Variants in PLEC observed in about 807,000 individuals in gnomAD.
PLEC encodes the protein hemidesmosomal protein 1.
In PLEC, 216 loss-of-function variants were observed where a neutral mutation model predicts 392.8. The observed-to-expected ratio is 0.55, with a 90% CI of 0.49 to 0.62. PLEC has a LOEUF of 0.62. PLEC is among the 20% of genes least tolerant of loss of function. The probability of loss-of-function intolerance (pLI) is 0.00; values close to 1 mark genes in which losing one functional copy is unlikely to be tolerated. For synonymous variants in PLEC, 3,621 were observed against 2,980.6 expected (o/e 1.21, Z -7.00); for missense variants, 6,863 against 6,563.4 (o/e 1.05, Z -1.58).
At chr8:143,929,886 C>A (rs1554712283) in intron 22 of PLEC, 50 bp downstream of exon 22, 9 of 1,602,674 alleles carry the variant, frequency 5.6e-6, no homozygotes, top group Non-Finnish European at 5.9e-6. Flanking sequence ...CTGCACAACG[C>A]CTCTCCCCTC....
At chr8:143,928,438 G>A (rs528025963) in intron 25 of PLEC, among the ~76,000 whole-genome samples, 91 of 152,164 alleles carry the variant, frequency 6.0e-4, no homozygotes, top group African/African-American at 2.2e-3. Flanking sequence ...GGAGTAGACA[G>A]CGGGTGGACC....
chr8:143,951,166 G>T (rs1554736405), upstream of PLEC, among the ~76,000 whole-genome samples: 2 of 152,030 alleles, frequency 1.3e-5, no homozygotes, highest in Non-Finnish European at 1.5e-5. Context: ...GGGCAAGTGG[G>T]GGCGGATATA....
chr8:143,940,191 T>G (rs1194573277), upstream of PLEC, among the ~76,000 whole-genome samples: 1 of 152,172 alleles, frequency 6.6e-6, no homozygotes, highest in Non-Finnish European at 1.5e-5. Flanking sequence ...ACCCCAGGCC[T>G]GGCCCCTCCC....
upstream of PLEC, chr8:143,958,797 G>C (rs576553072): frequency 2.8e-5 from 9 of 321,978 alleles, no homozygotes; most frequent in South Asian, 2.1e-5. The surrounding 1 kb of genome is among the most constrained non-coding windows in gnomAD (Gnocchi z 4.9). Flanking sequence ...CTCCAACACC[G>C]AGACACCTGT....
rs1822537523 is a variant in PLEC, at chr8:143,921,193, C to T, written c.8628G>A (p.Glu2876=). 2 of 1,613,888 alleles carry T rather than the reference C, an allele frequency of 1.2e-6. No individual in the cohort carries two copies. The highest frequency in any genetic ancestry group is 1.7e-5 in the Admixed American group (1 of 60,012). Reference sequence around the variant, plus strand: ...TGAGTGGCAGAAGGCACAGGCCCGTCTCGGGGTCCTCCACGCAGCGCTCCA... The same window carrying T: ...TGAGTGGCAGAAGGCACAGGCCCGTTTCGGGGTCCTCCACGCAGCGCTCCA... ...QLLERCVEDP[E]TGLCLLPLTD... The change falls in exon 32 of 32, where the codon GAG becomes GAA. Residue 2876 remains glutamate (E), a synonymous_variant. Coordinates refer to ENST00000345136, the MANE Select transcript of PLEC (RefSeq NM_201384.3).
rs1823297470 is a variant in PLEC, at chr8:143,922,738, G to A, written c.7191C>T (p.Ala2397=). The change falls in exon 31 of 32, where the codon GCC becomes GCT. Residue 2397 remains alanine (A), a synonymous_variant. Transcript: ENST00000345136. The part of the protein sequence containing the change: ...LRVAEMSRAQ[A]RAEEDAQRFR... ...AGCGCTGGGCGTCCTCCTCAGCGCG[G>A]GCCTGGGCTCGGCTCATCTCGGCCA... 3 of 1,610,872 alleles carry A rather than the reference G, an allele frequency of 1.9e-6. No individual in the cohort carries two copies. The highest frequency in any genetic ancestry group is 2.5e-6 in the Non-Finnish European group (3 of 1,179,664).
intron 30 of PLEC, among the ~76,000 whole-genome samples, 156 bp from the exon 31 acceptor site, chr8:143,926,040 G>T (rs1472137791): frequency 3.3e-5 from 5 of 152,220 alleles, no homozygotes; most frequent in Non-Finnish European, 5.9e-5. Context: ...GCGTGCACCC[G>T]CCCAGGGCGC....
At position 143,933,329 on chromosome 8, in the gene PLEC, C is replaced by T. The variant is rs886044893; in HGVS notation, c.1286G>A (p.Gly429Asp). 2.5e-6 allele frequency: 4 copies of T among 1,612,190 alleles called. No homozygotes were observed. The highest frequency in any genetic ancestry group is 2.5e-6 in the Non-Finnish European group (3 of 1,179,938). The change falls in exon 13 of 32, where the codon GGC becomes GAC. Residue 429 changes from glycine (G) to aspartate (D), a missense_variant. Gly to Asp is a moderately conservative substitution (Grantham distance 94). Coordinates refer to ENST00000345136, the MANE Select transcript of PLEC (RefSeq NM_201384.3). ...CTCCCCCGCCCGCTGTGGCACTTTG[C>T]CTGCAGCCAGCAGCCGGACATCCTG... is the stretch of plus-strand genomic sequence containing the variant. ...LQSDVRLLAA[G>D]KVPQRAGEVE... is the part of the protein sequence containing the mutation.
In PLEC at chr8:143,920,033, G is replaced by A. The variant is rs782625228; in HGVS notation, c.9788C>T (p.Thr3263Ile). Residue 3263 changes from threonine to isoleucine, a missense_variant, in exon 32 of 32, where the codon ACT (threonine) becomes ATT (isoleucine). Physicochemically the swap from Thr to Ile is moderately conservative, Grantham distance 89. Coordinates refer to ENST00000345136, the MANE Select transcript of PLEC (RefSeq NM_201384.3). ...VWELISSEYF[T>I]AEQRQELLRQ... Reference sequence around the variant, plus strand: ...CAACAGCTCCTGCCGCTGCTCCGCAGTGAAGTACTCAGAGCTGATGAGCTC... The same window carrying A: ...CAACAGCTCCTGCCGCTGCTCCGCAATGAAGTACTCAGAGCTGATGAGCTC... 333 of 1,613,240 alleles carry A rather than the reference G, an allele frequency of 2.1e-4. No individual in the cohort carries two copies. Among genetic ancestry groups the A allele is most frequent in the Non-Finnish European group, 7.6e-6 (9 of 1,180,036 alleles).
rs1027167612 is a variant in PLEC, at chr8:143,921,529, G to A, written c.8292C>T (p.His2764=). The A allele has an allele frequency of 1.2e-6, 2 of 1,612,818 alleles. No homozygotes were observed. The highest frequency in any genetic ancestry group is 1.3e-5 in the African/African-American group (1 of 74,900). The change falls in exon 32 of 32, where the codon CAC becomes CAT. Residue 2764 remains histidine, a synonymous_variant. Coordinates refer to ENST00000345136, the MANE Select transcript of PLEC (RefSeq NM_201384.3). Reference sequence around the variant, plus strand: ...CGCGCTCGGCCGACAGCAGCTTGTGGTGCAGCTCGGGGCCCACCACACCCT... The same window carrying A: ...CGCGCTCGGCCGACAGCAGCTTGTGATGCAGCTCGGGGCCCACCACACCCT... ...VKEGVVGPEL[H]HKLLSAERAV... is the part of the protein sequence containing the mutation.
chr8:143,975,117 C>G, upstream of PLEC: 1 of 1,550,296 alleles, frequency 6.5e-7, no homozygotes. The surrounding 1 kb of genome is among the most constrained non-coding windows in gnomAD (Gnocchi z 9.9). Context: ...TAGCACGCAG[C>G]GGGAACTCAG....
chr8:143,941,558 C>G (rs1388837883), upstream of PLEC, among the ~76,000 whole-genome samples: 1 of 151,988 alleles, frequency 6.6e-6, no homozygotes, highest in African/African-American at 2.4e-5. Context: ...GCTGGGGGCT[C>G]GGTCAGGGGC....
intron 1 of PLEC, chr8:143,945,301 T>C (rs1554731588): frequency 4.6e-6 from 2 of 430,890 alleles, no homozygotes; most frequent in Admixed American, 3.1e-5. Context: ...GGATCTGGGA[T>C]GGAGACGCCT....
chr8:143,924,027 C>T lies in PLEC; in HGVS notation c.5902G>A (p.Glu1968Lys). ...GCCAGCTGCCGCTGCCTCGCAGCCT[C>T]CAGCTCGGCCTGCTCCTTGCTGCGC... ...TLRSKEQAEL[E>K]AARQRQLAAE... The change falls in exon 31 of 32, where the codon GAG becomes AAG. Residue 1968 changes from glutamate (E) to lysine (K), a missense_variant. Physicochemically the swap from Glu to Lys is moderately conservative, Grantham distance 56 (BLOSUM62 1). Transcript: ENST00000345136. 1 of 1,592,262 alleles carries T rather than the reference C, an allele frequency of 6.3e-7. No homozygotes were observed. The highest frequency in any genetic ancestry group is 1.1e-5 in the South Asian group (1 of 90,372).
Position 143,916,221 on chromosome 8 carries a change from C to T in PLEC, c.13600G>A (p.Gly4534Arg). 6.5e-7 allele frequency: 1 copy of T among 1,546,350 alleles called. No homozygotes were observed. Residue 4534 changes from glycine (G) to arginine (R), a missense_variant, in exon 32 of 32, where the codon GGG (glycine) becomes AGG (arginine). Transcript: ENST00000345136. ...SSGYGRRYAS[G>R]SSASLGGPES... is the part of the protein sequence containing the mutation. ...GGGCCCCCCAGGGAGGCCGAGGACC[C>T]CGAGGCGTAGCGGCGGCCGTAGCCC...
Position 143,922,172 on chromosome 8 carries a change from G to A in PLEC, c.7649C>T (p.Ala2550Val). The part of the protein sequence containing the change: ...QMEQERQRLV[A>V]SMEEARRRQH... ...CCGCCGCCGCGCCTCCTCCATGCTG[G>A]CCACCAGCCGCTGCCGTTCCTGCTC... The change falls in exon 32 of 32, where the codon GCC becomes GTC. Residue 2550 changes from alanine (A) to valine (V), a missense_variant. Physicochemically the swap from Ala to Val is moderately conservative, Grantham distance 64. Coordinates refer to ENST00000345136, the MANE Select transcript of PLEC (RefSeq NM_201384.3). 1 of 1,541,798 alleles carries A rather than the reference G, an allele frequency of 6.5e-7. No individual in the cohort carries two copies.
intron 1 of PLEC, 65 bp from the exon 2 acceptor site, chr8:143,938,757 C>A: frequency 7.2e-7 from 1 of 1,394,728 alleles, no homozygotes; most frequent in Non-Finnish European, 1.0e-6. Context: ...CAGGTGACCA[C>A]CGTGCAGACA....
chr8:143,937,393 A>T, intron 3 of PLEC, 151 bp from the exon 4 acceptor site: 1 of 670,770 alleles, frequency 1.5e-6, no homozygotes, highest in South Asian at 1.7e-5. Flanking sequence ...CCGCAGGGAA[A>T]GGGAGGCCAC....
At chr8:143,950,361 C>A in exon 1 of PLEC, 2 of 1,588,898 alleles carry the variant, frequency 1.3e-6, no homozygotes, top group Non-Finnish European at 1.7e-6. Flanking sequence ...ACAGCCTGCA[C>A]GTGGGGGGTG....
Sources: gnomAD v4.1 joint callset for allele counts (sites outside exome capture counted in the v4.1 genomes callset) on GRCh38, gnomAD v4.1.1 for gene constraint, Gnocchi (gnomAD v3.1) non-coding constraint, MANE v1.5 for transcripts, NCBI Gene and HGNC (gene_info 2026-07-23, HGNC 2026-07-21) for gene names.